PPAN: variants seen among roughly 807,000 people sequenced by gnomAD.
The protein encoded by PPAN is suppressor of SWI4 1 homolog.
Under a neutral mutation model 48.5 loss-of-function variants are expected in PPAN, and 39 were observed. The ratio of observed to expected loss-of-function variants is 0.80; its 90% CI spans 0.62 to 1.05. The LOEUF (loss-of-function observed/expected upper bound fraction) is 1.05, where lower values mean the gene tolerates loss of function less well. PPAN is among the 50% of genes least tolerant of loss of function. The pLI, the probability that PPAN is intolerant of heterozygous loss-of-function variation, is 0.00. For missense variants in PPAN, 736 were observed against 661.7 expected (o/e 1.11, Z -1.23); for synonymous variants, 315 against 268.6 (o/e 1.17, Z -1.69).
chr19:10,106,613 G>A lies in PPAN; in HGVS notation c.131G>A (p.Arg44Gln). The A allele has an allele frequency of 6.4e-7, 1 of 1,550,580 alleles. No homozygotes were observed. The change falls in exon 2 of 12, where the codon CGG becomes CAG. Residue 44 changes from arginine to glutamine, a missense_variant. Transcript: ENST00000253107. ...FTRGCTGRNI[R>Q]QLSLDVRRVM... is the part of the protein sequence containing the mutation. Reference sequence around the variant, plus strand: ...CGAGGCTGCACGGGTCGCAACATCCGGCAGCTCAGCCTGGACGTGCGGCGG... The same window carrying A: ...CGAGGCTGCACGGGTCGCAACATCCAGCAGCTCAGCCTGGACGTGCGGCGG...
In PPAN at chr19:10,111,255, T is replaced by C. The variant is rs2089060323; in HGVS notation, c.*90T>C. 2 of 1,352,628 alleles carry C rather than the reference T, an allele frequency of 1.5e-6. No homozygotes were observed. Among genetic ancestry groups the C allele is most frequent in the Non-Finnish European group, 9.8e-7 (1 of 1,019,674 alleles). 83.8% of individuals were successfully genotyped at this position (1,352,628 alleles called of 1,614,324 possible). On this transcript the variant is annotated 3_prime_UTR_variant, in exon 12 of 12. Coordinates refer to ENST00000253107, the MANE Select transcript of PPAN (RefSeq NM_020230.7). Reference sequence around the variant, plus strand: ...TCGGTTTCCTTTCATAAAGGAGTTGTGTCCCCAGCCCTTCCACTCCAGTAA... The same window carrying C: ...TCGGTTTCCTTTCATAAAGGAGTTGCGTCCCCAGCCCTTCCACTCCAGTAA...
Position 10,111,782 on chromosome 19 carries a change from T to C in PPAN, c.*617T>C. 6.2e-7 allele frequency: 1 copy of C among 1,611,396 alleles called. No homozygotes were observed. The highest frequency in any genetic ancestry group is 8.5e-7 in the Non-Finnish European group (1 of 1,178,554). ...TTGGCTGTCTCTGGGGGTCTGCAGA[T>C]TGTCAGGAGGTGGGGGTAGTGGGTA... On this transcript the variant is annotated 3_prime_UTR_variant, in exon 12 of 12. Coordinates refer to ENST00000253107, the MANE Select transcript of PPAN (RefSeq NM_020230.7).
chr19:10,109,567 A>G, intron 5 of PPAN, 64 bp from the exon 6 acceptor site: 1 of 1,518,376 alleles, frequency 6.6e-7, no homozygotes. Flanking sequence ...TATCCCCCAA[A>G]GCCCCCACTT....
In PPAN at chr19:10,109,965, CAGG is replaced by C. The variant is rs769118643; in HGVS notation, c.646_648del (p.Glu216del). 1 of 1,614,080 alleles carries C rather than the reference CAGG, an allele frequency of 6.2e-7. No homozygotes were observed. Among genetic ancestry groups the C allele is most frequent in the Non-Finnish European group, 8.5e-7 (1 of 1,179,962 alleles). The stretch of plus-strand genomic sequence containing the variant: ...GAGTCGCGGGATGAAGAAGCTGCTC[CAGG>C]AGAAGTTCCCCAACATGAGCCGCCT... On this transcript the variant is annotated inframe_deletion, in exon 7 of 12. Transcript: ENST00000253107.
rs773740232 is a variant in PPAN, at chr19:10,109,927, T to C, written c.605T>C (p.Val202Ala). The stretch of plus-strand genomic sequence containing the variant: ...TGTTCCTGCAGTAGCATCAAAGTTG[T>C]TCCTGTGGGCGCGAGTCGCGGGATG... ...LDFRHYSIKV[V>A]PVGASRGMKK... is the part of the protein sequence containing the mutation. Residue 202 changes from valine to alanine, a missense_variant, in exon 7 of 12, where the codon GTT becomes GCT. Coordinates refer to ENST00000253107, the MANE Select transcript of PPAN (RefSeq NM_020230.7). 2 of 1,614,074 alleles carry C rather than the reference T, an allele frequency of 1.2e-6. No individual in the cohort carries two copies. Among genetic ancestry groups the C allele is most frequent in the South Asian group, 2.2e-5 (2 of 91,086 alleles).
Position 10,107,860 on chromosome 19 carries a change from A to G in PPAN, c.342+6A>G. 1 of 1,612,790 alleles carries G rather than the reference A, an allele frequency of 6.2e-7. No homozygotes were observed. Among genetic ancestry groups the G allele is most frequent in the Non-Finnish European group, 8.5e-7 (1 of 1,178,956 alleles). On this transcript the variant is annotated splice_donor_region_variant and intron_variant, in intron 4 of 11. Transcript: ENST00000253107. ...TGACCTTCCAGGTCAAGAAGGTGAG[A>G]GGGGTGGAGGTGGTACAAAGCCATG...
Position 10,110,609 on chromosome 19 carries a change from C to T in PPAN, c.1026C>T (p.Ala342=). ...NVQRKQEQRE[A]HRKKSLEGMK... is the part of the protein sequence containing the mutation. ...AGCGCAAGCAGGAGCAGCGGGAGGC[C>T]CACAGGTCCAGGCAGAGCTGGGAAG... The change falls in exon 10 of 12, where the codon GCC becomes GCT. Residue 342 remains alanine, a synonymous_variant. Transcript: ENST00000253107. This position sits in a 1 kb window ranked among gnomAD's most constrained non-coding sequence, Gnocchi z 5.9. 6.2e-7 allele frequency: 1 copy of T among 1,605,560 alleles called. No homozygotes were observed. Among genetic ancestry groups the T allele is most frequent in the Non-Finnish European group, 8.5e-7 (1 of 1,176,594 alleles).
chr19:10,107,372 A>G, intron 2 of PPAN, 133 bp from the exon 3 acceptor site: 1 of 869,988 alleles, frequency 1.1e-6, no homozygotes, highest in Non-Finnish European at 1.7e-6. Context: ...AAAGGCTAAG[A>G]TCCTTTTGCT....
At position 10,109,983 on chromosome 19, in the gene PPAN, A is replaced by G. The variant is rs759929102; in HGVS notation, c.661A>G (p.Met221Val). 3.1e-6 allele frequency: 5 copies of G among 1,613,988 alleles called. No homozygotes were observed. Among genetic ancestry groups the G allele is most frequent in the South Asian group, 1.1e-5 (1 of 91,092 alleles). The stretch of plus-strand genomic sequence containing the variant: ...GCTGCTCCAGGAGAAGTTCCCCAAC[A>G]TGAGCCGCCTGCAGGACATCAGCGA... Reference protein sequence around the residue: ...KKLLQEKFPNMSRLQDISELL... With the variant: ...KKLLQEKFPNVSRLQDISELL... The change falls in exon 7 of 12, where the codon ATG (methionine) becomes GTG (valine). Residue 221 changes from methionine to valine, a missense_variant. Physicochemically the swap from Met to Val is conservative, Grantham distance 21. Transcript: ENST00000253107.
At chr19:10,107,313 T>C (rs2088863950) in intron 2 of PPAN, among the ~76,000 whole-genome samples, 192 bp from the exon 3 acceptor site, 1 of 152,250 alleles carries the variant, frequency 6.6e-6, no homozygotes, top group Admixed American at 6.5e-5. Flanking sequence ...GAAGATGCGC[T>C]GTGAGCAAGA....
chr19:10,106,710 G>A (rs1431973529), intron 2 of PPAN, 39 bp downstream of exon 2: 6 of 1,496,278 alleles, frequency 4.0e-6, no homozygotes, highest in Non-Finnish European at 5.4e-6. Context: ...ACCCACCCTC[G>A]GCCTAGTCTT....
chr19:10,106,380 G>A lies in PPAN; in HGVS notation c.-15G>A, dbSNP rs2088821310. On this transcript the variant is annotated 5_prime_UTR_variant, in exon 1 of 12. Coordinates refer to ENST00000253107, the MANE Select transcript of PPAN (RefSeq NM_020230.7). ...AAGCGGCGGACGCAGGAGGCCTCGT[G>A]GAGGACACAGCAGCATGGGACAGTC... 3 of 1,549,562 alleles carry A rather than the reference G, an allele frequency of 1.9e-6. No homozygotes were observed. The highest frequency in any genetic ancestry group is 2.6e-6 in the Non-Finnish European group (3 of 1,145,990).
At position 10,111,983 on chromosome 19, in the gene PPAN, G is replaced by T. The variant is rs1189981305; in HGVS notation, c.*818G>T. On this transcript the variant is annotated 3_prime_UTR_variant, in exon 12 of 12. Transcript: ENST00000253107. ...AAATTAGCTGGGCCTGGTGGCACAT[G>T]CCTGTAATCCCAGCTACTCGGGAGG... 8 of 494,002 alleles carry T rather than the reference G, an allele frequency of 1.6e-5. No homozygotes were observed. The highest frequency in any genetic ancestry group is 3.4e-5 in the Admixed American group (1 of 29,214). 30.6% of individuals were successfully genotyped at this position (494,002 alleles called of 1,614,324 possible).
rs775352510 is a variant in PPAN at position 10,107,813 on chromosome 19, C to T, written c.301C>T (p.Arg101Cys). ...TTTTCTTCTCCTGCAGAAGCTGATG[C>T]GCCTCCCAGGAGGCCCCACCTTGAC... is the stretch of plus-strand genomic sequence containing the variant. ...TETNVYFKLM[R>C]LPGGPTLTFQ... Residue 101 changes from arginine (R) to cysteine (C), a missense_variant, in exon 4 of 12, where the codon CGC becomes TGC. By Grantham distance (180) the Arg-to-Cys change is radical. Transcript: ENST00000253107. 1.1e-5 allele frequency: 18 copies of T among 1,613,506 alleles called. No individual in the cohort carries two copies. The highest frequency in any genetic ancestry group is 4.0e-5 in the African/African-American group (3 of 74,926).
At chr19:10,106,259 C>A, upstream of PPAN, 1 of 1,451,994 alleles carries the variant, frequency 6.9e-7, no homozygotes, top group South Asian at 1.4e-5. Context: ...GATTGCCCCT[C>A]CCCGCTCCCA....
At position 10,110,568 on chromosome 19, in the gene PPAN, C is replaced by CAGGCCCAGA; in HGVS notation, c.987_995dup (p.Gln331_Asn332insLysAlaGln). On this transcript the variant is annotated inframe_insertion, in exon 10 of 12. Transcript: ENST00000253107. The surrounding 1 kb of genome is among the most constrained non-coding windows in gnomAD (Gnocchi z 5.9). Reference sequence around the variant, plus strand: ...GCTGAAGGCGCAGAGGCAGGCCCAGCAGGCCCAGAATGTGCAGCGCAAGCA... The same window carrying CAGGCCCAGA: ...GCTGAAGGCGCAGAGGCAGGCCCAGCAGGCCCAGAAGGCCCAGAATGTGCAGCGCAAGCA... 6.2e-7 allele frequency: 1 copy of CAGGCCCAGA among 1,604,950 alleles called. No individual in the cohort carries two copies. Among genetic ancestry groups the CAGGCCCAGA allele is most frequent in the Non-Finnish European group, 8.5e-7 (1 of 1,176,740 alleles).
At chr19:10,106,264 C>T (rs2088817211), upstream of PPAN, 18 of 1,465,202 alleles carry the variant, frequency 1.2e-5, 1 homozygote, top group South Asian at 2.4e-4. Flanking sequence ...CCCCTCCCCG[C>T]TCCCAGAGGC....
Position 10,106,386 on chromosome 19 carries a change from C to T in PPAN, c.-9C>T. On this transcript the variant is annotated 5_prime_UTR_variant, in exon 1 of 12. Coordinates refer to ENST00000253107, the MANE Select transcript of PPAN (RefSeq NM_020230.7). ...CGGACGCAGGAGGCCTCGTGGAGGA[C>T]ACAGCAGCATGGGACAGTCAGGGAG... 1.3e-6 allele frequency: 2 copies of T among 1,549,796 alleles called. No individual in the cohort carries two copies. The highest frequency in any genetic ancestry group is 1.7e-6 in the Non-Finnish European group (2 of 1,146,050).
At chr19:10,108,472 AG>A (rs2145202532) in intron 5 of PPAN, among the ~76,000 whole-genome samples, 1 of 152,164 alleles carries the variant, frequency 6.6e-6, no homozygotes, top group African/African-American at 2.4e-5. Context: ...CTGCGGGCCC[AG>A]TGCTATGGCT....
Sources: gnomAD v4.1 joint callset for allele counts (sites outside exome capture counted in the v4.1 genomes callset) on GRCh38, gnomAD v4.1.1 for gene constraint, Gnocchi (gnomAD v3.1) non-coding constraint, MANE v1.5 for transcripts, NCBI Gene and HGNC (gene_info 2026-07-23, HGNC 2026-07-21) for gene names.